The following TAF5 variants were observed in gnomAD, a reference collection of about 807,000 sequenced individuals.
TAF5 encodes transcription initiation factor TFIID subunit 5.
In TAF5, 20 loss-of-function variants were observed where a neutral mutation model predicts 80.9. That is an observed-to-expected ratio of 0.25 (90% CI 0.17 to 0.36). The LOEUF (loss-of-function observed/expected upper bound fraction) is 0.36. Among genes scored for constraint, TAF5 ranks in the 10% least tolerant of loss-of-function variants. TAF5 has a pLI of 1.00. For missense variants in TAF5, 863 were observed against 1,029.4 expected (o/e 0.84, Z 2.21); for synonymous variants, 388 against 406.4 (o/e 0.95, Z 0.55).
At chr10:103,368,883 T>C (rs2093352331) in intron 1 of TAF5, among the ~76,000 whole-genome samples, 1 of 152,230 alleles carries the variant, frequency 6.6e-6, no homozygotes, top group Non-Finnish European at 1.5e-5. Context: ...ACAGTGTTTG[T>C]ACAGTTTCGT....
At chr10:103,387,777 A>G (rs2093400758) in intron 10 of TAF5, 79 bp downstream of exon 10, 14 of 1,422,142 alleles carry the variant, frequency 9.8e-6, no homozygotes, top group Non-Finnish European at 1.0e-5. Flanking sequence ...CTAAGTCCTT[A>G]TGTTTTAGGT....
At position 103,379,659 on chromosome 10, in the gene TAF5, G is replaced by A. The variant is rs779624584; in HGVS notation, c.1165G>A (p.Glu389Lys). ...EPEIEVPLDD[E>K]DEEGENEEGK... ...AGAAATTGAGGTACCTTTGGATGAC[G>A]AGGATGAAGAGGGAGAAAATGAAGA... Residue 389 changes from glutamate (E) to lysine (K), a missense_variant, in exon 4 of 11, where the codon GAG becomes AAG. By Grantham distance (56) the Glu-to-Lys change is moderately conservative. Transcript: ENST00000369839. 4.4e-6 allele frequency: 7 copies of A among 1,606,316 alleles called. No homozygotes were observed. Among genetic ancestry groups the A allele is most frequent in the East Asian group, 2.2e-5 (1 of 44,800 alleles).
At position 103,388,170 on chromosome 10, in the gene TAF5, C is replaced by T. The variant is rs1419137648; in HGVS notation, c.2350C>T (p.His784Tyr). ...CAAATCAACACCAGTTGTACACCTT[C>T]ATTTTACTCGAAGAAACCTGGTTCT... Reference protein sequence around the residue: ...MTKSTPVVHLHFTRRNLVLAA... With the variant: ...MTKSTPVVHLYFTRRNLVLAA... The change falls in exon 11 of 11, where the codon CAT becomes TAT. Residue 784 changes from histidine to tyrosine, a missense_variant. By Grantham distance (83) the His-to-Tyr change is moderately conservative. Around this residue, in one of 3 missense-constraint regions of TAF5, gnomAD observed 368 missense variants for 461.7 expected, o/e 0.80. Coordinates refer to ENST00000369839, the MANE Select transcript of TAF5 (RefSeq NM_006951.5). 1.9e-6 allele frequency: 3 copies of T among 1,614,030 alleles called. No individual in the cohort carries two copies. The highest frequency in any genetic ancestry group is 2.5e-6 in the Non-Finnish European group (3 of 1,179,982).
At chr10:103,382,412 A>C (rs2093384922) in intron 6 of TAF5, among the ~76,000 whole-genome samples, 1 of 151,828 alleles carries the variant, frequency 6.6e-6, no homozygotes, top group Admixed American at 6.6e-5. Context: ...TTTAGTAGAG[A>C]TAGGGTTTCG....
At chr10:103,368,777 T>C (rs2093352030) in intron 1 of TAF5, among the ~76,000 whole-genome samples, 1 of 152,174 alleles carries the variant, frequency 6.6e-6, no homozygotes, top group Admixed American at 6.5e-5. Flanking sequence ...GAGGGATGTA[T>C]GGGGAAGGTG....
Position 103,381,798 on chromosome 10 carries a change from G to T in TAF5, c.1491G>T (p.Trp497Cys), listed in dbSNP as rs2093383650. Residue 497 changes from tryptophan (W) to cysteine (C), a missense_variant, in exon 6 of 11, where the codon TGG becomes TGT. By Grantham distance (215) the Trp-to-Cys change is radical. Transcript: ENST00000369839. ...TTGCAGATTCAACTGTCAGAGTGTGGTCGGTAACACCCAAAAAGCTTCGTA... is the reference window on the plus strand; with the variant it reads ...TTGCAGATTCAACTGTCAGAGTGTGTTCGGTAACACCCAAAAAGCTTCGTA... ...GGFADSTVRV[W>C]SVTPKKLRSV... 1 of 1,614,044 alleles carries T rather than the reference G, an allele frequency of 6.2e-7. No homozygotes were observed. Among genetic ancestry groups the T allele is most frequent in the Non-Finnish European group, 8.5e-7 (1 of 1,180,042 alleles).
chr10:103,368,229 G>A lies in TAF5; in HGVS notation c.240G>A (p.Pro80=). The change falls in exon 1 of 11, where the codon CCG becomes CCA. Residue 80 remains proline, a synonymous_variant. Coordinates refer to ENST00000369839, the MANE Select transcript of TAF5 (RefSeq NM_006951.5). ...VSAAAPAGAA[P]VPAAAPDAGA... ...CCGCTGCCCCGGCGGGGGCGGCCCC[G>A]GTGCCCGCCGCTGCTCCGGACGCCG... is the stretch of plus-strand genomic sequence containing the variant. 1 of 1,442,536 alleles carries A rather than the reference G, an allele frequency of 6.9e-7. No individual in the cohort carries two copies. The highest frequency in any genetic ancestry group is 2.8e-5 in the Admixed American group (1 of 35,832). 89.4% of individuals were successfully genotyped at this position (1,442,536 alleles called of 1,614,324 possible). A position where few individuals can be genotyped will look rare whatever the true frequency, so the allele number is the denominator to read the frequency against.
intron 1 of TAF5, among the ~76,000 whole-genome samples, chr10:103,372,184 C>T (rs1299674533): frequency 6.6e-6 from 1 of 151,920 alleles, no homozygotes; most frequent in South Asian, 2.1e-4. Context: ...ATCTGCCCGC[C>T]TCAGCCTCTC....
At chr10:103,375,137 A>AG (rs1317639178) in intron 2 of TAF5, among the ~76,000 whole-genome samples, 1 of 151,760 alleles carries the variant, frequency 6.6e-6, no homozygotes, top group African/African-American at 2.4e-5. Context: ...AAAAAAAAAA[A>AG]AAAGAAAATG....
chr10:103,381,685 A>T, intron 5 of TAF5, 36 bp from the exon 6 acceptor site: 1 of 1,611,842 alleles, frequency 6.2e-7, no homozygotes, highest in Non-Finnish European at 8.5e-7. Flanking sequence ...AAATATCCTA[A>T]AATAGTATTG....
intron 9 of TAF5, 61 bp downstream of exon 9, chr10:103,387,413 A>G: frequency 1.9e-6 from 3 of 1,555,028 alleles, no homozygotes; most frequent in Non-Finnish European, 2.6e-6. Context: ...AATATTTTTT[A>G]AACAAGTGAC....
intron 3 of TAF5, 23 bp from the exon 4 acceptor site, chr10:103,379,585 A>C (rs753081297): frequency 6.4e-7 from 1 of 1,550,496 alleles, no homozygotes; most frequent in Non-Finnish European, 8.7e-7. Context: ...AATTTTAAAA[A>C]TGTTGGCTCT....
At position 103,383,385 on chromosome 10, in the gene TAF5, A is replaced by G. The variant is rs748924169; in HGVS notation, c.1664+18A>G. On this transcript the variant is annotated intron_variant, in intron 7 of 10. Transcript: ENST00000369839. ...CCGGATAGGTAAAATACAAACAATA[A>G]AAATTAAATACTGCTATGTTATATT... 6.4e-7 allele frequency: 1 copy of G among 1,573,210 alleles called. No individual in the cohort carries two copies. Among genetic ancestry groups the G allele is most frequent in the East Asian group, 2.3e-5 (1 of 43,568 alleles).
chr10:103,384,352 C>T (rs548184224), intron 7 of TAF5, among the ~76,000 whole-genome samples: 9 of 152,218 alleles, frequency 5.9e-5, no homozygotes, highest in East Asian at 1.9e-4. Context: ...GCTTTCAGGC[C>T]GGGCACAGTG....
chr10:103,369,151 G>C (rs1436001739), intron 1 of TAF5, among the ~76,000 whole-genome samples: 1 of 150,558 alleles, frequency 6.6e-6, no homozygotes, highest in African/African-American at 2.4e-5. Context: ...GCTAATTTTT[G>C]TATTTTTAGT....
chr10:103,387,437 A>G (rs2093399556), intron 9 of TAF5, 84 bp from the exon 10 acceptor site: 1 of 1,548,994 alleles, frequency 6.5e-7, no homozygotes, highest in African/African-American at 1.4e-5. Flanking sequence ...TAAATTTTAA[A>G]GATACCATTC....
At position 103,378,698 on chromosome 10, in the gene TAF5, C is replaced by T. The variant is rs890326484; in HGVS notation, c.1113+148C>T. ...TTGAGACGGAGTTTTGCTCTTGTCA[C>T]CCAAGCTGGAGTGCAGTGGCGTGAT... On this transcript the variant is annotated intron_variant, in intron 3 of 10. Coordinates refer to ENST00000369839, the MANE Select transcript of TAF5 (RefSeq NM_006951.5). This position sits in a 1 kb window ranked among gnomAD's most constrained non-coding sequence, Gnocchi z 4.1. 8.5e-6 allele frequency: 8 copies of T among 940,378 alleles called. No homozygotes were observed. Among genetic ancestry groups the T allele is most frequent in the Non-Finnish European group, 1.2e-5 (8 of 645,598 alleles). 58.3% of individuals were successfully genotyped at this position (940,378 alleles called of 1,614,324 possible).
chr10:103,378,196 A>G lies in TAF5; in HGVS notation c.798-39A>G. ...TGGGGGAAAGGCAGATCCCTTAATG[A>G]TTACATTGAAAAATGACTTTTTAAA... On this transcript the variant is annotated intron_variant, in intron 2 of 10. Coordinates refer to ENST00000369839, the MANE Select transcript of TAF5 (RefSeq NM_006951.5). This position sits in a 1 kb window ranked among gnomAD's most constrained non-coding sequence, Gnocchi z 4.1. 6.4e-7 allele frequency: 1 copy of G among 1,565,558 alleles called. No homozygotes were observed. The highest frequency in any genetic ancestry group is 1.7e-4 in the Middle Eastern group (1 of 5,884).
intron 7 of TAF5, among the ~76,000 whole-genome samples, chr10:103,384,998 C>T (rs530145710): frequency 2.6e-4 from 40 of 152,100 alleles, no homozygotes; most frequent in African/African-American, 9.4e-4. Context: ...TCTCAATTGA[C>T]CTTATTTGAC....
Sources: allele counts gnomAD v4.1 joint callset (sites outside exome capture counted in the v4.1 genomes callset), GRCh38; gene constraint gnomAD v4.1.1; regional missense constraint gnomAD v4.1.1; non-coding constraint Gnocchi (gnomAD v3.1); transcripts MANE v1.5; gene names NCBI Gene and HGNC (gene_info 2026-07-23, HGNC 2026-07-21).